The following CPN2 variants were observed in gnomAD, a reference collection of about 807,000 sequenced individuals.
CPN2 encodes the protein carboxypeptidase N 83 kDa chain.
For synonymous variants in CPN2, 336 were observed against 318.4 expected (o/e 1.06, Z -0.59); for missense variants, 620 against 671.4 (o/e 0.92, Z 0.85).
intron 1 of CPN2, 138 bp from the exon 2 acceptor site, chr3:194,342,843 C>A: frequency 3.6e-6 from 2 of 561,374 alleles, no homozygotes; most frequent in Non-Finnish European, 6.5e-6. Flanking sequence ...AGGACCAAGA[C>A]CCAGGGCTTT....
chr3:194,348,947 T>C (rs1363253690), intron 1 of CPN2, among the ~76,000 whole-genome samples: 1 of 152,212 alleles, frequency 6.6e-6, no homozygotes, highest in African/African-American at 2.4e-5. Flanking sequence ...TATAGATGTG[T>C]ATTTATGGAC....
At position 194,342,235 on chromosome 3, in the gene CPN2, C is replaced by G. The variant is rs1262723219; in HGVS notation, c.468G>C (p.Gln156His). The part of the protein sequence containing the change: ...ALESLHLQGN[Q>H]LQALPRRLFQ... ...AGAGCCTCCTGGGCAGGGCCTGGAG[C>G]TGGTTCCCCTGCAGGTGGAGGGACT... Residue 156 changes from glutamine (Q) to histidine (H), a missense_variant, in exon 2 of 2, where the codon CAG becomes CAC. Coordinates refer to ENST00000323830, the MANE Select transcript of CPN2 (RefSeq NM_001080513.4). 1.2e-6 allele frequency: 2 copies of G among 1,613,810 alleles called. No individual in the cohort carries two copies. The highest frequency in any genetic ancestry group is 1.3e-5 in the African/African-American group (1 of 74,904).
intron 1 of CPN2, among the ~76,000 whole-genome samples, chr3:194,347,423 G>A (rs1222348355): frequency 6.6e-6 from 1 of 152,124 alleles, no homozygotes; most frequent in Non-Finnish European, 1.5e-5. Flanking sequence ...CTGGCTCCAT[G>A]GATGTCTGCC....
Position 194,340,977 on chromosome 3 carries a change from G to A in CPN2, c.*88C>T, listed in dbSNP as rs1712778730. On this transcript the variant is annotated 3_prime_UTR_variant, in exon 2 of 2. Coordinates refer to ENST00000323830, the MANE Select transcript of CPN2 (RefSeq NM_001080513.4). Reference sequence around the variant, plus strand: ...TGTCCCTTGCATGTGAAAAGCCAAGGCTTCGGAGACTCAGCTCCCCTCCGC... The same window carrying A: ...TGTCCCTTGCATGTGAAAAGCCAAGACTTCGGAGACTCAGCTCCCCTCCGC... 2.8e-6 allele frequency: 4 copies of A among 1,451,146 alleles called. 1 individual carries two copies. The highest frequency in any genetic ancestry group is 2.9e-5 in the South Asian group (2 of 69,636). The allele number at this position is 1,451,146 out of a possible 1,614,324, so 89.9% of individuals were successfully genotyped here. A position where few individuals can be genotyped will look rare whatever the true frequency, so the allele number is the denominator to read the frequency against.
At chr3:194,350,503 C>T (rs35400345) in intron 1 of CPN2, among the ~76,000 whole-genome samples, 12,129 of 152,248 alleles carry the variant, frequency 0.08, 595 homozygotes, top group Non-Finnish European at 0.1. Flanking sequence ...ATTATCACCT[C>T]TGCCCTCAGA....
In CPN2 at chr3:194,340,198, T is replaced by C. The variant is rs1409499018; in HGVS notation, c.*867A>G. 1.3e-5 allele frequency: 2 copies of C among 152,098 alleles called. No homozygotes were observed. Among genetic ancestry groups the C allele is most frequent in the African/African-American group, 2.4e-5 (1 of 41,408 alleles). 9.4% of individuals were successfully genotyped at this position (152,098 alleles called of 1,614,324 possible). On this transcript the variant is annotated 3_prime_UTR_variant, in exon 2 of 2. Transcript: ENST00000323830. ...CTTAAAAGGGGTGCCTGGCTCTTAG[T>C]TGATGATCTCCTGGACTGGAAAGAA...
chr3:194,340,648 A>AG lies in CPN2; in HGVS notation c.*416_*417insC, dbSNP rs1484774470. 3 of 168,590 alleles carry AG rather than the reference A, an allele frequency of 1.8e-5. No individual in the cohort carries two copies. Among genetic ancestry groups the AG allele is most frequent in the Non-Finnish European group, 2.5e-5 (2 of 79,148 alleles). The allele number at this position is 168,590 out of a possible 1,614,324, so 10.4% of individuals were successfully genotyped here. A position where few individuals can be genotyped will look rare whatever the true frequency, so the allele number is the denominator to read the frequency against. ...TGAAATTCCAGGGAAATAAATGGAA[A>AG]CAGACACTGGGCTTTTGAGCCAGAT... On this transcript the variant is annotated 3_prime_UTR_variant, in exon 2 of 2. Transcript: ENST00000323830.
At chr3:194,345,651 C>T (rs1713017018) in intron 1 of CPN2, among the ~76,000 whole-genome samples, 1 of 152,214 alleles carries the variant, frequency 6.6e-6, no homozygotes, top group Non-Finnish European at 1.5e-5. Flanking sequence ...GACCAGCTGG[C>T]CTCCTCCCAG....
intron 1 of CPN2, among the ~76,000 whole-genome samples, chr3:194,346,754 G>A (rs1472872574): frequency 6.6e-6 from 1 of 152,226 alleles, no homozygotes; most frequent in African/African-American, 2.4e-5. Context: ...GCAAATGCGT[G>A]GCAACGTTAG....
Position 194,344,940 on chromosome 3 carries a change from C to CCA in CPN2, c.-3-2237_-3-2236dup, listed in dbSNP as rs1474779672. ...GGTAGCCACTGTCCCCCAACACACA[C>CCA]CACACACACACACAGCTGCCACTAG... On this transcript the variant is annotated intron_variant, in intron 1 of 1. Transcript: ENST00000323830. 6.6e-5 allele frequency among the ~76,000 whole-genome samples: 10 copies of CCA among 151,492 alleles called. No homozygotes were observed. In the East Asian group the frequency reaches 1.4e-3, roughly 21 times the overall value.
At chr3:194,345,797 C>G (rs5001412) in intron 1 of CPN2, among the ~76,000 whole-genome samples, 19 of 152,128 alleles carry the variant, frequency 1.2e-4, no homozygotes, top group African/African-American at 3.9e-4. Context: ...CTCGAGCCCA[C>G]TGGGGTGAGG....
At position 194,340,884 on chromosome 3, in the gene CPN2, A is replaced by G. The variant is rs1576987263; in HGVS notation, c.*181T>C. ...ACACTCCAGGAGAAGCGATGAAGGAAGAGGAGGAGGAGACCCTGGTTAGTG... is the reference window on the plus strand; with the variant it reads ...ACACTCCAGGAGAAGCGATGAAGGAGGAGGAGGAGGAGACCCTGGTTAGTG... On this transcript the variant is annotated 3_prime_UTR_variant, in exon 2 of 2. Transcript: ENST00000323830. 1 of 927,638 alleles carries G rather than the reference A, an allele frequency of 1.1e-6. No homozygotes were observed. The highest frequency in any genetic ancestry group is 2.7e-5 in the East Asian group (1 of 37,446). 57.5% of individuals were successfully genotyped at this position (927,638 alleles called of 1,614,324 possible).
chr3:194,344,159 A>G (rs1279233970), intron 1 of CPN2, among the ~76,000 whole-genome samples: 3 of 152,156 alleles, frequency 2.0e-5, no homozygotes, highest in Non-Finnish European at 4.4e-5. Flanking sequence ...AAGGTCTCCC[A>G]TTAAACTCAT....
At chr3:194,344,631 G>T (rs967060592) in intron 1 of CPN2, among the ~76,000 whole-genome samples, 2 of 152,208 alleles carry the variant, frequency 1.3e-5, no homozygotes, top group Non-Finnish European at 2.9e-5. Context: ...GGTGGCAGAG[G>T]TTGCAGTAAG....
chr3:194,351,318 C>G lies in CPN2; in HGVS notation c.-80G>C, dbSNP rs1180745027. On this transcript the variant is annotated 5_prime_UTR_variant, in exon 1 of 2. Transcript: ENST00000323830. ...AGAGGAGTCTGGTGTGGCCTGTGGT[C>G]AGCTCAATCCAGCCCCAGCGCTGAT... 2 of 152,326 alleles carry G rather than the reference C, an allele frequency of 1.3e-5. No homozygotes were observed. The highest frequency in any genetic ancestry group is 2.9e-5 in the Non-Finnish European group (2 of 68,122). 9.4% of individuals were successfully genotyped at this position (152,326 alleles called of 1,614,324 possible).
chr3:194,344,199 G>GC (rs910738046), intron 1 of CPN2, among the ~76,000 whole-genome samples: 1 of 152,190 alleles, frequency 6.6e-6, no homozygotes, highest in Non-Finnish European at 1.5e-5. Context: ...TATTAGGGGA[G>GC]CCCCCTTGAC....
chr3:194,348,697 C>G (rs1713147828), intron 1 of CPN2, among the ~76,000 whole-genome samples: 1 of 151,958 alleles, frequency 6.6e-6, no homozygotes, highest in African/African-American at 2.4e-5. Flanking sequence ...TTGAAATCAG[C>G]CTGGGCAACA....
At position 194,341,034 on chromosome 3, in the gene CPN2, C is replaced by A. The variant is rs774330002; in HGVS notation, c.*31G>T. ...CTGTCGCCTGGTCAGGCCCCAGAGG[C>A]CCCCTTCCCCAGCTCCTGTATGCGC... On this transcript the variant is annotated 3_prime_UTR_variant, in exon 2 of 2. Coordinates refer to ENST00000323830, the MANE Select transcript of CPN2 (RefSeq NM_001080513.4). The A allele has an allele frequency of 2.6e-6, 4 of 1,554,648 alleles. No individual in the cohort carries two copies. In the South Asian group the frequency reaches 3.6e-5, roughly 14 times the overall value.
At chr3:194,349,008 T>A (rs1022322326) in intron 1 of CPN2, among the ~76,000 whole-genome samples, 3 of 152,244 alleles carry the variant, frequency 2.0e-5, no homozygotes, top group Non-Finnish European at 4.4e-5. Context: ...AGAATGCTGC[T>A]TTTCCATTTT....
Sources: allele counts gnomAD v4.1 joint callset (sites outside exome capture counted in the v4.1 genomes callset), GRCh38; gene constraint gnomAD v4.1.1; transcripts MANE v1.5; gene names NCBI Gene and HGNC (gene_info 2026-07-23, HGNC 2026-07-21).